ADGB: variants seen among roughly 807,000 people sequenced by gnomAD.
The protein encoded by ADGB is androglobin.
Under a neutral mutation model 210.5 loss-of-function variants are expected in ADGB, and 172 were observed. The observed-to-expected ratio is 0.82, with a 90% CI of 0.72 to 0.93. ADGB has a LOEUF of 0.93. Ranked by LOEUF, ADGB falls within the 40% of genes least tolerant of loss-of-function variation. ADGB has a pLI of 0.00. For missense variants in ADGB, 2,025 were observed against 1,964.8 expected (o/e 1.03, Z -0.58); for synonymous variants, 658 against 662.7 (o/e 0.99, Z 0.11).
Position 146,788,384 on chromosome 6 carries a change from T to C in ADGB, c.4316-5T>C. 9.7e-6 allele frequency: 15 copies of C among 1,550,986 alleles called. No individual in the cohort carries two copies. The highest frequency in any genetic ancestry group is 1.3e-5 in the Non-Finnish European group (15 of 1,146,354). On this transcript the variant is annotated splice_polypyrimidine_tract_variant and splice_region_variant and intron_variant, in intron 32 of 35. Transcript: ENST00000397944. ...TTTTTCAGTAATGCACATGTCATGTTGTAGTAGAAACAGCTGCACGTGGCG... is the reference window on the plus strand; with the variant it reads ...TTTTTCAGTAATGCACATGTCATGTCGTAGTAGAAACAGCTGCACGTGGCG...
Position 146,672,727 on chromosome 6 carries a change from C to CTTTT in ADGB, c.1087+271_1087+274dup, listed in dbSNP as rs58547170. Among the ~76,000 whole-genome samples, 7 of 142,822 alleles carry CTTTT rather than the reference C, an allele frequency of 4.9e-5. No homozygotes were observed. In the East Asian group the frequency reaches 1.2e-3, roughly 25 times the overall value. 93.7% of individuals were successfully genotyped at this position (142,822 alleles called of 152,430 possible). ...CTGTCTTTGTTTTCAGTTTTTCTTT[C>CTTTT]TTTTTTTTTTTTTTCTTTTTGGGAT... On this transcript the variant is annotated intron_variant, in intron 8 of 35. Coordinates refer to ENST00000397944, the MANE Select transcript of ADGB (RefSeq NM_024694.4).
rs145998947 is a variant in ADGB, at chr6:146,801,882, A to G, written c.4689A>G (p.Ala1563=). 156 of 1,550,936 alleles carry G rather than the reference A, an allele frequency of 1.0e-4. No homozygotes were observed. Among genetic ancestry groups the G allele is most frequent in the Non-Finnish European group, 1.2e-4 (143 of 1,146,628 alleles). ...CAGATGAATTGAATCAGCAGCAGGC[A>G]ATGCAAAAGGCGGAAGAAATTCATC... ...LQTDELNQQQ[A]MQKAEEIHQF... The change falls in exon 35 of 36, where the codon GCA becomes GCG. Residue 1563 remains alanine, a synonymous_variant. Transcript: ENST00000397944.
rs577651387 is a variant in ADGB at position 146,620,383 on chromosome 6, T to C, written c.75-14992T>C. On this transcript the variant is annotated intron_variant, in intron 1 of 35. Coordinates refer to ENST00000397944, the MANE Select transcript of ADGB (RefSeq NM_024694.4). Reference sequence around the variant, plus strand: ...TATGCTTTCTAGGCATTTTTCTTTCTTGTTTCCTTCAGAAATTCCTATTGC... The same window carrying C: ...TATGCTTTCTAGGCATTTTTCTTTCCTGTTTCCTTCAGAAATTCCTATTGC... 2.2e-4 allele frequency among the ~76,000 whole-genome samples: 34 copies of C among 152,264 alleles called. 1 individual carries two copies. In the South Asian group the frequency reaches 6.4e-3, roughly 29 times the overall value.
intron 29 of ADGB, among the ~76,000 whole-genome samples, chr6:146,773,145 T>C (rs1302336346): frequency 1.3e-5 from 2 of 152,102 alleles, no homozygotes; most frequent in South Asian, 2.1e-4. Context: ...TTCAGAAATG[T>C]TTCCTCTCAC....
At chr6:146,644,413 T>C (rs763002900) in intron 2 of ADGB, among the ~76,000 whole-genome samples, 4 of 151,810 alleles carry the variant, frequency 2.6e-5, no homozygotes, top group Non-Finnish European at 4.4e-5. Context: ...GTAAAAAAAA[T>C]TTTTTCAATG....
At chr6:146,655,773 A>G (rs1161669354) in intron 4 of ADGB, among the ~76,000 whole-genome samples, 1 of 152,180 alleles carries the variant, frequency 6.6e-6, no homozygotes, top group Non-Finnish European at 1.5e-5. Flanking sequence ...AAAATATTCT[A>G]CAATAAATTT....
At chr6:146,605,071 C>G (rs971606910) in intron 1 of ADGB, among the ~76,000 whole-genome samples, 1 of 152,014 alleles carries the variant, frequency 6.6e-6, no homozygotes, top group Admixed American at 6.6e-5. Context: ...GAGTATCCAG[C>G]AGAATGACAG....
chr6:146,799,389 C>T (rs923671217), intron 33 of ADGB, among the ~76,000 whole-genome samples: 1 of 151,988 alleles, frequency 6.6e-6, no homozygotes, highest in Non-Finnish European at 1.5e-5. Flanking sequence ...CAAAAATTAG[C>T]TTGGCGTGGT....
chr6:146,719,575 G>A (rs571804360), intron 16 of ADGB, among the ~76,000 whole-genome samples: 5 of 152,258 alleles, frequency 3.3e-5, no homozygotes, highest in East Asian at 1.9e-4. Flanking sequence ...GTGGCCTGCC[G>A]AGCTGGGGAC....
chr6:146,641,473 G>A (rs1368004155), intron 2 of ADGB, among the ~76,000 whole-genome samples: 5 of 151,576 alleles, frequency 3.3e-5, no homozygotes, highest in Non-Finnish European at 4.4e-5. Flanking sequence ...AAAAGCTGGA[G>A]GAATCACGCG....
intron 9 of ADGB, among the ~76,000 whole-genome samples, chr6:146,680,483 G>T (rs1411913669): frequency 6.6e-6 from 1 of 152,154 alleles, no homozygotes; most frequent in South Asian, 2.1e-4. Flanking sequence ...GCCAGAAGTT[G>T]AGTACTAATA....
chr6:146,802,028 A>G lies in ADGB; in HGVS notation c.4818+17A>G, dbSNP rs1473186246. 12 of 1,464,066 alleles carry G rather than the reference A, an allele frequency of 8.2e-6. No homozygotes were observed. Among genetic ancestry groups the G allele is most frequent in the African/African-American group, 1.5e-5 (1 of 68,658 alleles). The allele number at this position is 1,464,066 out of a possible 1,614,324, so 90.7% of individuals were successfully genotyped here. ...GAAATGCAGGTGAGTCTAAAAGCAC[A>G]TACATAGATTATAGTTGGCAAATTC... On this transcript the variant is annotated intron_variant, in intron 35 of 35. Transcript: ENST00000397944.
intron 14 of ADGB, among the ~76,000 whole-genome samples, chr6:146,715,764 A>C (rs1461076520): frequency 6.6e-6 from 1 of 152,150 alleles, no homozygotes. Context: ...TTTTGGATCC[A>C]GAAGTCTTTA....
intron 33 of ADGB, among the ~76,000 whole-genome samples, chr6:146,800,798 G>A (rs561214763): frequency 6.6e-6 from 1 of 152,262 alleles, no homozygotes; most frequent in African/African-American, 2.4e-5. Flanking sequence ...ACTTAGTGTA[G>A]CATTTGGGCA....
intron 33 of ADGB, among the ~76,000 whole-genome samples, chr6:146,795,807 C>A (rs569352074): frequency 6.6e-6 from 1 of 152,200 alleles, no homozygotes; most frequent in South Asian, 2.1e-4. Flanking sequence ...ATGTTCATTG[C>A]AGCACTACTC....
intron 1 of ADGB, among the ~76,000 whole-genome samples, chr6:146,611,891 A>G (rs1054528057): frequency 1.3e-5 from 2 of 152,028 alleles, no homozygotes; most frequent in Non-Finnish European, 2.9e-5. Context: ...TATGGATACC[A>G]TTTCATGTAT....
intron 30 of ADGB, 97 bp from the exon 31 acceptor site, chr6:146,784,521 T>C: frequency 6.2e-6 from 6 of 961,530 alleles, no homozygotes; most frequent in Non-Finnish European, 8.7e-6. Flanking sequence ...TTATCTCTAG[T>C]AAATACCTAA....
chr6:146,794,154 C>T (rs918207415), intron 33 of ADGB, among the ~76,000 whole-genome samples: 12 of 151,972 alleles, frequency 7.9e-5, no homozygotes, highest in African/African-American at 2.7e-4. Context: ...TTAATGTTGG[C>T]GATTAGGAAG....
chr6:146,740,429 T>C (rs906285213), intron 23 of ADGB, 30 bp from the exon 24 acceptor site: 9 of 1,493,588 alleles, frequency 6.0e-6, no homozygotes, highest in Non-Finnish European at 8.1e-6. Context: ...GCTTTTGCCA[T>C]TGATACATAA....
Sources: allele counts gnomAD v4.1 joint callset (sites outside exome capture counted in the v4.1 genomes callset), GRCh38; gene constraint gnomAD v4.1.1; transcripts MANE v1.5; gene names NCBI Gene and HGNC (gene_info 2026-07-23, HGNC 2026-07-21).